The following HIF1A variants were observed in gnomAD, a reference collection of about 807,000 sequenced individuals.
HIF1A encodes the protein hypoxia inducible factor 1 subunit alpha, also known as hypoxia-inducible factor 1-alpha.
HIF1A carries 24 observed loss-of-function variants against 92.7 expected under a neutral mutation model. The observed-to-expected ratio is 0.26, with a 90% CI of 0.19 to 0.36. The LOEUF (loss-of-function observed/expected upper bound fraction) is 0.36, where lower values mean the gene tolerates loss of function less well. HIF1A is among the 10% of genes least tolerant of loss of function. The probability of loss-of-function intolerance (pLI) is 1.00; values close to 1 mark genes in which losing one functional copy is unlikely to be tolerated. For missense variants in HIF1A, 799 were observed against 998.5 expected (o/e 0.80, Z 2.69); for synonymous variants, 319 against 338.7 (o/e 0.94, Z 0.64).
intron 1 of HIF1A, among the ~76,000 whole-genome samples, chr14:61,716,260 G>T (rs1216956518): frequency 2.0e-5 from 3 of 152,096 alleles, no homozygotes; most frequent in African/African-American, 7.2e-5. Context: ...GAACCATTTG[G>T]AAAGCTATTG....
intron 4 of HIF1A, 76 bp downstream of exon 4, chr14:61,721,899 T>A: frequency 9.6e-7 from 1 of 1,042,614 alleles, no homozygotes; most frequent in Non-Finnish European, 1.5e-6. Flanking sequence ...ATTATTAAAC[T>A]TTGCTATTGT....
chr14:61,730,825 A>G (rs1484004228), intron 6 of HIF1A, among the ~76,000 whole-genome samples: 1 of 152,330 alleles, frequency 6.6e-6, no homozygotes, highest in Middle Eastern at 3.4e-3. Flanking sequence ...ATAGTGAAAA[A>G]GTTTTTAATT....
chr14:61,707,104 G>A (rs75332990), intron 1 of HIF1A, among the ~76,000 whole-genome samples: 4,331 of 152,278 alleles, frequency 0.028, 151 homozygotes, highest in East Asian at 0.14. Context: ...AGTTTTGAGC[G>A]TTGCTCTTTT....
Position 61,740,832 on chromosome 14 carries a change from G to C in HIF1A, c.1737G>C (p.Gln579His), listed in dbSNP as rs574603732. 2.5e-6 allele frequency: 4 copies of C among 1,614,108 alleles called. No homozygotes were observed. Among genetic ancestry groups the C allele is most frequent in the Middle Eastern group, 1.6e-4 (1 of 6,062 alleles). ...DDDFQLRSFD[Q>H]LSPLESSSAS... is the part of the protein sequence containing the mutation. ...ACTTCCAGTTACGTTCCTTCGATCA[G>C]TTGTCACCATTAGAAAGCAGTTCCG... The change falls in exon 12 of 15, where the codon CAG becomes CAC. Residue 579 changes from glutamine to histidine, a missense_variant. Gln to His is a conservative substitution (Grantham distance 24). Transcript: ENST00000337138.
chr14:61,717,059 T>C (rs1474405553), intron 1 of HIF1A: 2 of 152,204 alleles, frequency 1.3e-5, no homozygotes, highest in Non-Finnish European at 2.9e-5. Context: ...TTTAGAGAAA[T>C]ATAGTGACCT....
intron 4 of HIF1A, 178 bp from the exon 5 acceptor site, chr14:61,726,528 G>A: frequency 2.2e-6 from 1 of 448,818 alleles, no homozygotes; most frequent in Non-Finnish European, 4.0e-6. Flanking sequence ...ACTGAGTAGT[G>A]TGTGTCAGAT....
At chr14:61,738,655 A>C (rs1393688894) in intron 10 of HIF1A, among the ~76,000 whole-genome samples, 5 of 152,222 alleles carry the variant, frequency 3.3e-5, no homozygotes, top group Admixed American at 3.3e-4. Flanking sequence ...AGTAGGACAA[A>C]AACATCTTGA....
intron 3 of HIF1A, 31 bp from the exon 4 acceptor site, chr14:61,721,708 C>G: frequency 6.2e-7 from 1 of 1,609,628 alleles, no homozygotes; most frequent in Non-Finnish European, 8.5e-7. Flanking sequence ...ATTTTATGAT[C>G]TAGCCCTAAT....
intron 6 of HIF1A, among the ~76,000 whole-genome samples, chr14:61,732,186 A>T (rs962466253): frequency 6.6e-6 from 1 of 152,172 alleles, no homozygotes; most frequent in African/African-American, 2.4e-5. Context: ...AGGATTAAAG[A>T]GTTAAATAAC....
chr14:61,729,278 A>G (rs1371418090), intron 6 of HIF1A, among the ~76,000 whole-genome samples: 1 of 152,140 alleles, frequency 6.6e-6, no homozygotes, highest in African/African-American at 2.4e-5. Flanking sequence ...CCTGGCCAAC[A>G]TGGTAAAACC....
rs532175371 is a variant in HIF1A at position 61,741,449 on chromosome 14, T to C, written c.2093+261T>C. 4.7e-5 allele frequency among the ~76,000 whole-genome samples: 7 copies of C among 148,910 alleles called. No homozygotes were observed. The East Asian group carries it at 8.1e-4, about 17-fold the overall frequency. On this transcript the variant is annotated intron_variant, in intron 12 of 14. Coordinates refer to ENST00000337138, the MANE Select transcript of HIF1A (RefSeq NM_001530.4). Reference sequence around the variant, plus strand: ...GGCACCATCTCAGCTCACGGCAACCTCTGCCTCCTGGGTGCAAGAGATTCT... The same window carrying C: ...GGCACCATCTCAGCTCACGGCAACCCCTGCCTCCTGGGTGCAAGAGATTCT...
intron 1 of HIF1A, among the ~76,000 whole-genome samples, chr14:61,719,140 C>T (rs2044397373): frequency 6.6e-6 from 1 of 152,152 alleles, no homozygotes; most frequent in Non-Finnish European, 1.5e-5. Context: ...CAATTCGGTA[C>T]TTCATTCACA....
At chr14:61,735,974 T>C (rs2044631781) in intron 8 of HIF1A, among the ~76,000 whole-genome samples, 1 of 147,096 alleles carries the variant, frequency 6.8e-6, no homozygotes, top group African/African-American at 2.5e-5. Flanking sequence ...TCTCAAAGGA[T>C]ATCTGAAATT....
At chr14:61,734,487 T>G (rs934782433) in intron 8 of HIF1A, among the ~76,000 whole-genome samples, 6 of 152,310 alleles carry the variant, frequency 3.9e-5, no homozygotes, top group African/African-American at 1.4e-4. Context: ...ACACTGTCAG[T>G]AGTTGTCTAT....
intron 2 of HIF1A, 38 bp from the exon 3 acceptor site, chr14:61,721,471 T>G: frequency 6.4e-7 from 1 of 1,560,568 alleles, no homozygotes; most frequent in South Asian, 1.1e-5. Context: ...AGTACAACTT[T>G]TTAACTAATT....
At chr14:61,710,970 C>T (rs2044299429) in intron 1 of HIF1A, among the ~76,000 whole-genome samples, 1 of 149,954 alleles carries the variant, frequency 6.7e-6, no homozygotes, top group African/African-American at 2.5e-5. Flanking sequence ...TCGCTTGAAC[C>T]TGGGAGGCGG....
chr14:61,697,518 G>T, intron 1 of HIF1A: 1 of 191,852 alleles, frequency 5.2e-6, no homozygotes. Flanking sequence ...AATATCAGAA[G>T]CAGTTTTGAA....
intron 1 of HIF1A, 123 bp from the exon 2 acceptor site, chr14:61,720,259 C>T (rs1356059647): frequency 1.6e-6 from 1 of 642,082 alleles, no homozygotes; most frequent in Non-Finnish European, 2.5e-6. Flanking sequence ...CTCCATGTAA[C>T]TTAATTACAT....
chr14:61,721,504 T>C lies in HIF1A; in HGVS notation c.227-5T>C, dbSNP rs1350888304. 1.2e-6 allele frequency: 2 copies of C among 1,609,864 alleles called. No individual in the cohort carries two copies. The highest frequency in any genetic ancestry group is 2.7e-5 in the African/African-American group (2 of 74,952). On this transcript the variant is annotated splice_polypyrimidine_tract_variant and splice_region_variant and intron_variant, in intron 2 of 14. Coordinates refer to ENST00000337138, the MANE Select transcript of HIF1A (RefSeq NM_001530.4). The stretch of plus-strand genomic sequence containing the variant: ...ATTATTTTCCTCTTCTTGTGCCCTT[T>C]TTAGGTGATTTGGATATTGAAGATG...
Sources: gnomAD v4.1 joint callset for allele counts (sites outside exome capture counted in the v4.1 genomes callset) on GRCh38, gnomAD v4.1.1 for gene constraint, MANE v1.5 for transcripts, NCBI Gene and HGNC (gene_info 2026-07-23, HGNC 2026-07-21) for gene names.